Variants in MICU1 observed in about 807,000 individuals in gnomAD.
The protein encoded by MICU1 is calcium uptake protein 1, mitochondrial.
MICU1 carries 45 observed loss-of-function variants against 56.8 expected under a neutral mutation model. The ratio of observed to expected loss-of-function variants is 0.79; its 90% CI spans 0.62 to 1.02. MICU1 has a LOEUF of 1.02. MICU1 is among the 50% of genes least tolerant of loss of function. MICU1 has a pLI of 0.00. For missense variants in MICU1, 504 were observed against 587.1 expected (o/e 0.86, Z 1.46); for synonymous variants, 186 against 195.1 (o/e 0.95, Z 0.39).
chr10:72,484,386 T>C (rs2132288179), intron 6 of MICU1, among the ~76,000 whole-genome samples: 1 of 151,168 alleles, frequency 6.6e-6, no homozygotes, highest in Non-Finnish European at 1.5e-5. Context: ...AAAATTCTCC[T>C]GGTGAAATGA....
At chr10:72,406,689 C>G (rs1041037344) in intron 10 of MICU1, among the ~76,000 whole-genome samples, 13 of 151,776 alleles carry the variant, frequency 8.6e-5, no homozygotes, top group African/African-American at 3.1e-4. Context: ...CAATCCTGCA[C>G]AATCTTGGCT....
At chr10:72,396,977 G>A (rs1365506381) in intron 10 of MICU1, among the ~76,000 whole-genome samples, 7 of 151,686 alleles carry the variant, frequency 4.6e-5, no homozygotes, top group Admixed American at 3.3e-4. Context: ...CCAAGACACA[G>A]TTGTCAGATT....
rs1266712384 is a variant in MICU1, at chr10:72,473,262, G to C, written c.933+1838C>G. ...AATTTTTAGTGATTAGATGTCGGTG[G>C]TCATAGTGGTGGTGGGTTAAATCAA... On this transcript the variant is annotated intron_variant, in intron 8 of 11. Coordinates refer to ENST00000361114, the MANE Select transcript of MICU1 (RefSeq NM_001195518.2). 3.3e-5 allele frequency: 5 copies of C among 152,174 alleles called. No homozygotes were observed. The East Asian group carries it at 7.7e-4, about 23-fold the overall frequency. The allele number at this position is 152,174 out of a possible 1,614,324, so 9.4% of individuals were successfully genotyped here.
At chr10:72,549,305 C>A (rs1839974570) in intron 4 of MICU1, among the ~76,000 whole-genome samples, 1 of 151,664 alleles carries the variant, frequency 6.6e-6, no homozygotes, top group South Asian at 2.1e-4. Flanking sequence ...ATCCTCCCAC[C>A]TCCGCCTCCC....
rs1250921020 is a variant in MICU1, at chr10:72,620,012, G to T, written c.-2+5998C>A. 2.0e-5 allele frequency among the ~76,000 whole-genome samples: 3 copies of T among 151,992 alleles called. No homozygotes were observed. The East Asian group carries it at 5.8e-4, about 29-fold the overall frequency. On this transcript the variant is annotated intron_variant, in intron 1 of 11. Transcript: ENST00000361114. ...GTGCTGATTCAATCTTATTAGGATG[G>T]TAGGCAAAGTATTCATGTTTACTTT...
intron 10 of MICU1, among the ~76,000 whole-genome samples, chr10:72,389,194 T>G (rs987373839): frequency 6.6e-6 from 1 of 152,114 alleles, no homozygotes; most frequent in Non-Finnish European, 1.5e-5. Flanking sequence ...AATATAAGAG[T>G]TTGTTGTGTG....
At chr10:72,501,562 A>C (rs1867068662) in intron 6 of MICU1, among the ~76,000 whole-genome samples, 4 of 152,160 alleles carry the variant, frequency 2.6e-5, no homozygotes, top group Non-Finnish European at 5.9e-5. Flanking sequence ...CATGCAGCTT[A>C]TATTCTAGAT....
At chr10:72,543,493 G>A (rs2132428775) in intron 4 of MICU1, among the ~76,000 whole-genome samples, 1 of 138,698 alleles carries the variant, frequency 7.2e-6, no homozygotes, top group South Asian at 2.3e-4. Context: ...GGGCAACATA[G>A]CGAGACCCCA....
chr10:72,396,509 C>G (rs1863266819), intron 10 of MICU1, among the ~76,000 whole-genome samples: 1 of 152,112 alleles, frequency 6.6e-6, no homozygotes. Flanking sequence ...GATGTCCAAA[C>G]CCATCGCGAG....
intron 8 of MICU1, among the ~76,000 whole-genome samples, chr10:72,433,720 G>A (rs1053036267): frequency 1.3e-5 from 2 of 152,272 alleles, no homozygotes; most frequent in East Asian, 1.9e-4. Context: ...GTGAGGCACC[G>A]TGCCCAGCCT....
chr10:72,592,706 A>G (rs1841260534), intron 1 of MICU1, among the ~76,000 whole-genome samples: 1 of 152,210 alleles, frequency 6.6e-6, no homozygotes, highest in Non-Finnish European at 1.5e-5. Context: ...CAACATTAAC[A>G]GAATGAAGAA....
At chr10:72,518,270 G>C (rs549414013) in intron 5 of MICU1, among the ~76,000 whole-genome samples, 2 of 152,036 alleles carry the variant, frequency 1.3e-5, no homozygotes, top group African/African-American at 4.8e-5. Flanking sequence ...CTGACCTCAA[G>C]TGATCCTCCT....
intron 10 of MICU1, among the ~76,000 whole-genome samples, chr10:72,388,444 G>A (rs757783787): frequency 3.3e-5 from 5 of 152,210 alleles, no homozygotes; most frequent in Non-Finnish European, 7.3e-5. Flanking sequence ...TCACAGATGT[G>A]TCTACTAAGG....
At chr10:72,379,559 C>G (rs1425779948) in intron 10 of MICU1, 3 of 430,734 alleles carry the variant, frequency 7.0e-6, no homozygotes, top group Non-Finnish European at 1.4e-5. Context: ...TACTCATCTT[C>G]TCCCCATGAA....
chr10:72,541,954 GAAAAT>G, intron 4 of MICU1, among the ~76,000 whole-genome samples: 1 of 152,228 alleles, frequency 6.6e-6, no homozygotes, highest in South Asian at 2.1e-4. Flanking sequence ...TTATAGCAGT[GAAAAT>G]AAAAGAACGG....
intron 1 of MICU1, among the ~76,000 whole-genome samples, chr10:72,602,757 C>T (rs937120939): frequency 6.6e-6 from 1 of 152,094 alleles, no homozygotes; most frequent in Admixed American, 6.6e-5. Context: ...GCTCTAAATC[C>T]TACTGTAATT....
intron 6 of MICU1, among the ~76,000 whole-genome samples, chr10:72,485,823 A>G (rs955116764): frequency 6.6e-5 from 10 of 152,160 alleles, no homozygotes; most frequent in Middle Eastern, 6.8e-3. Context: ...AAAATTTTCA[A>G]CTTCCAATAG....
chr10:72,407,924 A>G lies in MICU1; in HGVS notation c.1180+5T>C, dbSNP rs2132103524. 6.2e-7 allele frequency: 1 copy of G among 1,603,566 alleles called. No homozygotes were observed. The highest frequency in any genetic ancestry group is 8.5e-7 in the Non-Finnish European group (1 of 1,171,652). On this transcript the variant is annotated splice_donor_5th_base_variant and intron_variant, in intron 10 of 11. Transcript: ENST00000361114. ...TTCAAAAAAACACTTTTTGAGTTTC[A>G]TTACCTTTATCAAGAGATGCTCCAG...
At chr10:72,447,614 T>C (rs1225982934) in intron 8 of MICU1, among the ~76,000 whole-genome samples, 3 of 152,044 alleles carry the variant, frequency 2.0e-5, no homozygotes, top group African/African-American at 7.2e-5. Context: ...TGAAGTTTTC[T>C]ATAGGAACAA....
Sources: gnomAD v4.1 joint callset for allele counts (sites outside exome capture counted in the v4.1 genomes callset) on GRCh38, gnomAD v4.1.1 for gene constraint, MANE v1.5 for transcripts, NCBI Gene and HGNC (gene_info 2026-07-23, HGNC 2026-07-21) for gene names.